Variants in IL1RAPL2 observed in about 807,000 individuals in gnomAD.
IL1RAPL2 encodes interleukin 1 receptor accessory protein like 2.
Under a neutral mutation model 44.1 loss-of-function variants are expected in IL1RAPL2, and 3 were observed. The ratio of observed to expected loss-of-function variants is 0.07; its 90% confidence interval spans 0.03 to 0.18. The LOEUF (loss-of-function observed/expected upper bound fraction) is 0.18. Among genes scored for constraint, IL1RAPL2 ranks in the 10% least tolerant of loss-of-function variants. The probability of loss-of-function intolerance (pLI) is 1.00; values close to 1 mark genes in which losing one functional copy is unlikely to be tolerated. For synonymous variants in IL1RAPL2, 181 were observed against 178.8 expected (o/e 1.01, Z -0.10); for missense variants, 391 against 496.4 (o/e 0.79, Z 2.02).
At chrX:105,665,753 TTTG>T (rs1556377999) in intron 6 of IL1RAPL2, among the ~76,000 whole-genome samples, 2 of 69,308 alleles carry the variant, frequency 2.9e-5, no homozygotes, top group East Asian at 3.7e-4. Flanking sequence ...TTTTTTTTTT[TTTG>T]TTGTTGTTGT....
intron 6 of IL1RAPL2, among the ~76,000 whole-genome samples, chrX:105,665,356 T>C (rs1407459907): frequency 9.1e-6 from 1 of 110,171 alleles, no homozygotes. Context: ...TGTGTGTGTG[T>C]GTGTGTGTGT....
At chrX:105,076,865 C>T (rs1215214700) in intron 2 of IL1RAPL2, among the ~76,000 whole-genome samples, 1 of 110,801 alleles carries the variant, frequency 9.0e-6, no homozygotes, top group African/African-American at 3.3e-5. Flanking sequence ...AGGATTGCAA[C>T]CCCTGCCTTT....
intron 2 of IL1RAPL2, among the ~76,000 whole-genome samples, chrX:104,737,367 G>T (rs995584388): frequency 4.0e-4 from 45 of 112,446 alleles, no homozygotes; most frequent in Non-Finnish European, 5.4e-4. Context: ...TTTTGATACT[G>T]CTGAAATAAG....
chrX:105,309,767 G>T (rs1019937878), intron 5 of IL1RAPL2, among the ~76,000 whole-genome samples: 1 of 110,946 alleles, frequency 9.0e-6, no homozygotes, highest in Admixed American at 9.6e-5. Context: ...AATTTTGGGG[G>T]TTTGTATATT....
chrX:105,549,841 C>T (rs1268160142), intron 6 of IL1RAPL2, among the ~76,000 whole-genome samples: 2 of 111,803 alleles, frequency 1.8e-5, no homozygotes, highest in Admixed American at 9.5e-5. Context: ...ACCTAGAATC[C>T]GTCTCTAATT....
intron 3 of IL1RAPL2, among the ~76,000 whole-genome samples, chrX:105,198,374 T>C (rs1296346369): frequency 1.8e-5 from 2 of 112,041 alleles, no homozygotes; most frequent in Non-Finnish European, 3.8e-5. Context: ...GTATACACTT[T>C]GTTTCCAGTA....
chrX:104,966,030 CAT>C (rs2030115045), intron 2 of IL1RAPL2, among the ~76,000 whole-genome samples: 1 of 111,321 alleles, frequency 9.0e-6, no homozygotes, highest in East Asian at 2.8e-4. Context: ...TAATGAAAGA[CAT>C]AGCTTCAGAG....
chrX:104,713,107 C>A (rs1931489736), intron 2 of IL1RAPL2, among the ~76,000 whole-genome samples: 1 of 110,598 alleles, frequency 9.0e-6, no homozygotes, highest in Non-Finnish European at 1.9e-5. Context: ...TATTGGAGAG[C>A]AAATTATGTA....
intron 2 of IL1RAPL2, among the ~76,000 whole-genome samples, chrX:105,073,429 A>C (rs769790986): frequency 1.8e-5 from 2 of 110,051 alleles, no homozygotes; most frequent in South Asian, 7.9e-4. Flanking sequence ...CACATTTTCT[A>C]AATCCAGTCT....
intron 6 of IL1RAPL2, among the ~76,000 whole-genome samples, chrX:105,711,789 A>ATTT (rs1174666516): frequency 8.9e-6 from 1 of 112,038 alleles, no homozygotes; most frequent in Non-Finnish European, 1.9e-5. Context: ...ATAGTGGGAC[A>ATTT]GGCATACAAT....
intron 2 of IL1RAPL2, among the ~76,000 whole-genome samples, chrX:105,143,698 C>T (rs2033148880): frequency 8.9e-6 from 1 of 111,880 alleles, no homozygotes. Flanking sequence ...AAGATGCTTC[C>T]AGCATATGGG....
At chrX:105,041,422 C>A (rs762034754) in intron 2 of IL1RAPL2, among the ~76,000 whole-genome samples, 4 of 110,422 alleles carry the variant, frequency 3.6e-5, no homozygotes, top group African/African-American at 1.3e-4. Flanking sequence ...GAGTTCGATT[C>A]CTGGGTATCC....
At chrX:105,447,102 T>TGA (rs2035963156) in intron 5 of IL1RAPL2, among the ~76,000 whole-genome samples, 3 of 55,314 alleles carry the variant, frequency 5.4e-5, no homozygotes, top group African/African-American at 3.5e-4. Flanking sequence ...TATATATATA[T>TGA]ATATAAAAAT....
At chrX:105,330,253 C>T (rs1215993614) in intron 5 of IL1RAPL2, among the ~76,000 whole-genome samples, 1 of 111,302 alleles carries the variant, frequency 9.0e-6, no homozygotes, top group Non-Finnish European at 1.9e-5. Flanking sequence ...CATTTAGAGC[C>T]AGGTCAACCC....
At chrX:105,494,301 T>C (rs780284748) in intron 6 of IL1RAPL2, among the ~76,000 whole-genome samples, 1 of 111,314 alleles carries the variant, frequency 9.0e-6, no homozygotes, top group African/African-American at 3.3e-5. Context: ...GAAAAAAAAA[T>C]AACGCTACAA....
chrX:104,621,254 AATATT>A (rs1929392228), intron 1 of IL1RAPL2, among the ~76,000 whole-genome samples: 1 of 107,334 alleles, frequency 9.3e-6, no homozygotes, highest in African/African-American at 3.4e-5. Context: ...ATATATATAT[AATATT>A]ACATCTAGAA....
At chrX:105,426,428 C>A (rs1360462443) in intron 5 of IL1RAPL2, among the ~76,000 whole-genome samples, 1 of 111,040 alleles carries the variant, frequency 9.0e-6, no homozygotes, top group Admixed American at 9.7e-5. Context: ...AACTTCTCAT[C>A]TTTCTGATCT....
At chrX:104,628,177 T>C (rs1929556023) in intron 1 of IL1RAPL2, among the ~76,000 whole-genome samples, 1 of 111,782 alleles carries the variant, frequency 8.9e-6, no homozygotes, top group Admixed American at 9.5e-5. Flanking sequence ...CATTCATCAT[T>C]TCTCTGTGTT....
intron 2 of IL1RAPL2, among the ~76,000 whole-genome samples, chrX:104,881,628 T>C (rs764444163): frequency 8.9e-5 from 10 of 112,254 alleles, no homozygotes; most frequent in South Asian, 7.4e-4. Context: ...GAAAAGTGCA[T>C]AGAAAATGCT....
Sources: gnomAD v4.1 joint callset for allele counts (sites outside exome capture counted in the v4.1 genomes callset) on GRCh38, gnomAD v4.1.1 for gene constraint, MANE v1.5 for transcripts, NCBI Gene and HGNC (gene_info 2026-07-23, HGNC 2026-07-21) for gene names.